Variants in DNAAF5 observed in about 807,000 individuals in gnomAD.
The protein encoded by DNAAF5 is dynein axonemal assembly factor 5.
Under a neutral mutation model 75.8 loss-of-function variants are expected in DNAAF5, and 64 were observed. The observed-to-expected ratio is 0.84, with a 90% CI of 0.69 to 1.04. DNAAF5 has a LOEUF of 1.04. Among genes scored for constraint, DNAAF5 ranks in the 50% least tolerant of loss-of-function variants. DNAAF5 has a pLI of 0.00. For synonymous variants in DNAAF5, 657 were observed against 557.2 expected, an observed-to-expected ratio of 1.18 and a Z score of -2.52; for missense variants, 1,269 against 1,178.5, an observed-to-expected ratio of 1.08 and a Z score of -1.12.
intron 6 of DNAAF5, among the ~76,000 whole-genome samples, chr7:757,795 C>T (rs1327092143): frequency 1.3e-5 from 2 of 152,236 alleles, no homozygotes; most frequent in Non-Finnish European, 2.9e-5. Context: ...GGCGGCCGTG[C>T]CATGCAGGGC....
intron 10 of DNAAF5, among the ~76,000 whole-genome samples, chr7:774,668 C>G (rs1488722832): frequency 6.6e-6 from 1 of 152,146 alleles, no homozygotes; most frequent in Non-Finnish European, 1.5e-5. Flanking sequence ...CCTGGGCGCC[C>G]GTGCAGCATC....
At chr7:777,384 G>T (rs554963502) in intron 11 of DNAAF5, among the ~76,000 whole-genome samples, 1 of 152,272 alleles carries the variant, frequency 6.6e-6, no homozygotes, top group South Asian at 2.1e-4. Flanking sequence ...CTTTATTGAG[G>T]CGTGTTTAAG....
intron 8 of DNAAF5, among the ~76,000 whole-genome samples, chr7:768,080 G>GC (rs1328887759): frequency 6.7e-6 from 1 of 149,422 alleles, no homozygotes; most frequent in Non-Finnish European, 1.5e-5. Flanking sequence ...TGTCCGTGCA[G>GC]CGAGCGGGAG....
chr7:742,941 C>G (rs1781960818), intron 4 of DNAAF5, among the ~76,000 whole-genome samples: 1 of 152,260 alleles, frequency 6.6e-6, no homozygotes, highest in African/African-American at 2.4e-5. Flanking sequence ...ATGCACAGCC[C>G]AAATCAGATG....
In DNAAF5 at chr7:754,175, T is replaced by A. The variant is rs2128078122; in HGVS notation, c.1025-414T>A. Among the ~76,000 whole-genome samples the A allele has an allele frequency of 6.6e-6, 1 of 152,370 alleles. No homozygotes were observed. The highest frequency in any genetic ancestry group is 2.1e-4 in the South Asian group (1 of 4,832). ...GCATCTCTGTGTGGCTCTAAATGTTTGTTTTTTGAGACAGGGTCTCGCTCT... is the reference window on the plus strand; with the variant it reads ...GCATCTCTGTGTGGCTCTAAATGTTAGTTTTTTGAGACAGGGTCTCGCTCT... On this transcript the variant is annotated intron_variant, in intron 4 of 12. Transcript: ENST00000297440. The surrounding 1 kb of genome is among the most constrained non-coding windows in gnomAD (Gnocchi z 4.8).
At position 785,905 on chromosome 7, in the gene DNAAF5, G is replaced by T; in HGVS notation, c.*252G>T. 1 of 456,114 alleles carries T rather than the reference G, an allele frequency of 2.2e-6. No homozygotes were observed. The highest frequency in any genetic ancestry group is 3.9e-6 in the Non-Finnish European group (1 of 258,048). 28.3% of individuals were successfully genotyped at this position (456,114 alleles called of 1,614,324 possible). A position where few individuals can be genotyped will look rare whatever the true frequency, so the allele number is the denominator to read the frequency against. On this transcript the variant is annotated 3_prime_UTR_variant, in exon 13 of 13. Coordinates refer to ENST00000297440, the MANE Select transcript of DNAAF5 (RefSeq NM_017802.4). ...GCTGATTTGAAATTAAAAGTAAGTC[G>T]CAGCCGCTCCTCCCGCAGCCACTTC... is the stretch of plus-strand genomic sequence containing the variant.
Position 770,483 on chromosome 7 carries a change from G to C in DNAAF5, c.1796G>C (p.Gly599Ala). The C allele has an allele frequency of 1.2e-6, 2 of 1,613,522 alleles. No individual in the cohort carries two copies. Among genetic ancestry groups the C allele is most frequent in the Non-Finnish European group, 1.7e-6 (2 of 1,179,930 alleles). The change falls in exon 9 of 13, where the codon GGA becomes GCA. Residue 599 changes from glycine (G) to alanine (A), a missense_variant. Physicochemically the swap from Gly to Ala is moderately conservative, Grantham distance 60 (BLOSUM62 0). Transcript: ENST00000297440. ...VIVAQSGPAL[G>A]EALPHVVPTL... is the part of the protein sequence containing the mutation. The stretch of plus-strand genomic sequence containing the variant: ...TTGTGTCTTACAGGCCCTGCCCTGG[G>C]AGAAGCCCTGCCACACGTCGTGCCC...
chr7:745,400 G>C (rs996881965), intron 4 of DNAAF5, among the ~76,000 whole-genome samples: 1 of 151,318 alleles, frequency 6.6e-6, no homozygotes, highest in African/African-American at 2.4e-5. Flanking sequence ...TGCGGTAAGG[G>C]AGAAGACAGA....
chr7:740,380 G>T (rs552030413), intron 2 of DNAAF5, among the ~76,000 whole-genome samples: 1 of 152,200 alleles, frequency 6.6e-6, no homozygotes, highest in Non-Finnish European at 1.5e-5. Flanking sequence ...GTATGGCCAC[G>T]GTGCACCACA....
intron 6 of DNAAF5, among the ~76,000 whole-genome samples, chr7:760,155 T>G (rs1782601163): frequency 6.6e-6 from 1 of 152,090 alleles, no homozygotes; most frequent in South Asian, 2.1e-4. Context: ...GCTCTGTGTC[T>G]TCTGTGGGTC....
chr7:732,444 G>C, intron 2 of DNAAF5: 1 of 439,524 alleles, frequency 2.3e-6, no homozygotes, highest in South Asian at 1.6e-5. Flanking sequence ...GCCTGCAGTC[G>C]GCAGCTGCTC....
chr7:731,784 G>T (rs1008266890), intron 2 of DNAAF5, among the ~76,000 whole-genome samples: 1 of 152,052 alleles, frequency 6.6e-6, no homozygotes, highest in Non-Finnish European at 1.5e-5. Context: ...TTCCCAATGG[G>T]GTTTGCGTCC....
At chr7:773,584 C>T (rs568542353) in intron 9 of DNAAF5, among the ~76,000 whole-genome samples, 4 of 152,286 alleles carry the variant, frequency 2.6e-5, no homozygotes, top group Admixed American at 2.6e-4. Context: ...GAAGCCGCAG[C>T]GACTGTCCTT....
chr7:727,004 T>C lies in DNAAF5; in HGVS notation c.284T>C (p.Leu95Pro). 1.6e-6 allele frequency: 2 copies of C among 1,247,160 alleles called. No individual in the cohort carries two copies. The highest frequency in any genetic ancestry group is 2.0e-6 in the Non-Finnish European group (2 of 991,200). The allele number at this position is 1,247,160 out of a possible 1,614,324, so 77.3% of individuals were successfully genotyped here. A position where few individuals can be genotyped will look rare whatever the true frequency, so the allele number is the denominator to read the frequency against. ...LSDPAEGCRA[L>P]AVHLLDLGLR... ...GACCCCGCCGAGGGCTGCCGCGCGCTGGCAGTGCACCTGCTGGATCTGGGC... is the reference window on the plus strand; with the variant it reads ...GACCCCGCCGAGGGCTGCCGCGCGCCGGCAGTGCACCTGCTGGATCTGGGC... Residue 95 changes from leucine to proline, a missense_variant, in exon 1 of 13, where the codon CTG becomes CCG. Leu to Pro is a moderately conservative substitution (Grantham distance 98, BLOSUM62 -3). Transcript: ENST00000297440.
chr7:747,608 T>G lies in DNAAF5; in HGVS notation c.1024+6143T>G, dbSNP rs879228145. 2.2e-3 allele frequency among the ~76,000 whole-genome samples: 273 copies of G among 121,776 alleles called. No individual in the cohort carries two copies. In the South Asian group the frequency reaches 0.025, roughly 11 times the overall value. 79.9% of individuals were successfully genotyped at this position (121,776 alleles called of 152,430 possible). ...CACACAGGGTTGGTGGGGTTTGCTG[T>G]TTTTAGTGTGTCCAGTTGGTGTGCA... On this transcript the variant is annotated intron_variant, in intron 4 of 12. Transcript: ENST00000297440.
At chr7:740,420 C>G (rs943828880) in intron 2 of DNAAF5, among the ~76,000 whole-genome samples, 1 of 152,218 alleles carries the variant, frequency 6.6e-6, no homozygotes, top group African/African-American at 2.4e-5. Context: ...ACCAAGCACC[C>G]AGGGTGAGAC....
rs774986124 is a variant in DNAAF5, at chr7:756,980, C to G, written c.1456C>G (p.Gln486Glu). 2 of 1,603,884 alleles carry G rather than the reference C, an allele frequency of 1.2e-6. No homozygotes were observed. Among genetic ancestry groups the G allele is most frequent in the Non-Finnish European group, 1.7e-6 (2 of 1,179,752 alleles). The change falls in exon 6 of 13, where the codon CAG becomes GAG. Residue 486 changes from glutamine (Q) to glutamate (E), a missense_variant. Gln to Glu is a conservative substitution (Grantham distance 29, BLOSUM62 2). Transcript: ENST00000297440. ...ATELAQAHIC[Q>E]ASENDLYLER... ...AGAGCTGGCACAGGCCCACATCTGC[C>G]AGGCATCTGAAAACGTAAGAGCACT... is the stretch of plus-strand genomic sequence containing the variant.
chr7:769,363 A>G (rs903121199), intron 8 of DNAAF5, among the ~76,000 whole-genome samples: 5 of 152,142 alleles, frequency 3.3e-5, no homozygotes, highest in African/African-American at 1.2e-4. Flanking sequence ...AGGGACTCTC[A>G]GAGCTGTCCT....
intron 2 of DNAAF5, among the ~76,000 whole-genome samples, chr7:736,634 G>A (rs539374942): frequency 6.6e-6 from 1 of 152,224 alleles, no homozygotes; most frequent in East Asian, 1.9e-4. Context: ...CAGATTGCTG[G>A]GTCCTGTTTT....
Sources: allele counts gnomAD v4.1 joint callset (sites outside exome capture counted in the v4.1 genomes callset), GRCh38; gene constraint gnomAD v4.1.1; non-coding constraint Gnocchi (gnomAD v3.1); transcripts MANE v1.5; gene names NCBI Gene and HGNC (gene_info 2026-07-23, HGNC 2026-07-21).